Variants in TTC28 observed in about 807,000 individuals in gnomAD.
TTC28 encodes the protein tetratricopeptide repeat protein 28.
TTC28 carries 61 observed loss-of-function variants against 198.0 expected under a neutral mutation model. The ratio of observed to expected loss-of-function variants is 0.31; its 90% CI spans 0.25 to 0.38. The LOEUF is 0.38. Among genes scored for constraint, TTC28 ranks in the 10% least tolerant of loss-of-function variants. TTC28 has a pLI of 1.00. For synonymous variants in TTC28, 1,171 were observed against 1,297.8 expected (o/e 0.90, Z 2.10); for missense variants, 2,678 against 3,164.0 (o/e 0.85, Z 3.69).
At chr22:28,633,759 T>C (rs1291222966) in intron 1 of TTC28, among the ~76,000 whole-genome samples, 1 of 152,206 alleles carries the variant, frequency 6.6e-6, no homozygotes, top group African/African-American at 2.4e-5. Context: ...TCCCAAAATA[T>C]ATTCTAAGGA....
At chr22:28,610,783 G>A (rs1398982649) in intron 2 of TTC28, among the ~76,000 whole-genome samples, 2 of 152,038 alleles carry the variant, frequency 1.3e-5, no homozygotes, top group Non-Finnish European at 2.9e-5. Context: ...TCAAGCCAAA[G>A]GATCATTTTC....
chr22:28,425,204 G>A (rs1351041126), intron 2 of TTC28, among the ~76,000 whole-genome samples: 1 of 152,148 alleles, frequency 6.6e-6, no homozygotes, highest in African/African-American at 2.4e-5. Context: ...TGTTGCTGAC[G>A]TACTAAATAC....
At chr22:28,675,288 C>T (rs2051964108) in intron 1 of TTC28, among the ~76,000 whole-genome samples, 1 of 152,012 alleles carries the variant, frequency 6.6e-6, no homozygotes, top group Non-Finnish European at 1.5e-5. Flanking sequence ...GGGCTAAAAG[C>T]ATACAACTCT....
At chr22:28,462,071 A>G (rs977532839) in intron 2 of TTC28, among the ~76,000 whole-genome samples, 6 of 152,144 alleles carry the variant, frequency 3.9e-5, no homozygotes, top group Non-Finnish European at 8.8e-5. Flanking sequence ...CTCTCCTATT[A>G]TCTTTTTAAG....
intron 5 of TTC28, among the ~76,000 whole-genome samples, chr22:28,286,737 G>A (rs1028647174): frequency 6.6e-6 from 1 of 152,014 alleles, no homozygotes; most frequent in Non-Finnish European, 1.5e-5. Flanking sequence ...TGAATATCTA[G>A]ATCAAGGAAG....
chr22:28,671,597 T>C (rs2051886448), intron 1 of TTC28, among the ~76,000 whole-genome samples: 1 of 140,514 alleles, frequency 7.1e-6, no homozygotes, highest in South Asian at 2.4e-4. Flanking sequence ...ATCGCACCAC[T>C]GCACTCCAGC....
intron 1 of TTC28, among the ~76,000 whole-genome samples, chr22:28,644,285 G>A (rs1285420798): frequency 1.3e-5 from 2 of 151,680 alleles, no homozygotes; most frequent in Admixed American, 1.3e-4. Flanking sequence ...TGTAGTCCCA[G>A]CTACTGAGGA....
chr22:28,501,567 T>G (rs984728852), intron 2 of TTC28, among the ~76,000 whole-genome samples: 4 of 152,134 alleles, frequency 2.6e-5, no homozygotes, highest in Non-Finnish European at 4.4e-5. Context: ...TCCCAACACA[T>G]AGAACTGATA....
chr22:28,280,322 T>C (rs1337841827), intron 5 of TTC28, among the ~76,000 whole-genome samples: 1 of 149,084 alleles, frequency 6.7e-6, no homozygotes, highest in Non-Finnish European at 1.5e-5. Context: ...AAGAAAAAAG[T>C]AAAAAAAAAA....
intron 5 of TTC28, among the ~76,000 whole-genome samples, chr22:28,254,295 T>C (rs938311426): frequency 2.0e-5 from 3 of 152,062 alleles, no homozygotes; most frequent in Non-Finnish European, 4.4e-5. Context: ...TATGGGATCA[T>C]ACAAAGAGAG....
chr22:28,586,443 C>T (rs1411567210), intron 2 of TTC28, among the ~76,000 whole-genome samples: 2 of 151,516 alleles, frequency 1.3e-5, no homozygotes, highest in East Asian at 1.9e-4. Context: ...AGAGAACAAC[C>T]GATGGGGCAA....
chr22:28,030,491 A>G, intron 12 of TTC28, 125 bp from the exon 13 acceptor site: 2 of 1,193,420 alleles, frequency 1.7e-6, no homozygotes, highest in Non-Finnish European at 2.3e-6. Flanking sequence ...TCCAGATGAC[A>G]GCATCACCCC....
chr22:28,257,149 G>A (rs1184123059), intron 5 of TTC28, among the ~76,000 whole-genome samples: 1 of 152,180 alleles, frequency 6.6e-6, no homozygotes, highest in African/African-American at 2.4e-5. Context: ...TACACTGTTG[G>A]TGGGAATGTA....
chr22:28,565,080 T>C (rs2049949601), intron 2 of TTC28, among the ~76,000 whole-genome samples: 1 of 151,868 alleles, frequency 6.6e-6, no homozygotes, highest in South Asian at 2.1e-4. Flanking sequence ...ATCCCTACTA[T>C]ATTCGATGAG....
At chr22:28,356,239 A>G (rs2046075627) in intron 2 of TTC28, among the ~76,000 whole-genome samples, 1 of 152,040 alleles carries the variant, frequency 6.6e-6, no homozygotes, top group Non-Finnish European at 1.5e-5. Context: ...TCTTTTTAAC[A>G]AGGTTTGTGT....
At chr22:28,334,331 T>C (rs527536125) in intron 2 of TTC28, among the ~76,000 whole-genome samples, 1 of 152,300 alleles carries the variant, frequency 6.6e-6, no homozygotes, top group African/African-American at 2.4e-5. Context: ...TGTGTCTTTA[T>C]AGCAGCATGT....
chr22:28,387,356 C>T (rs2046626455), intron 2 of TTC28, among the ~76,000 whole-genome samples: 1 of 152,172 alleles, frequency 6.6e-6, no homozygotes, highest in Admixed American at 6.5e-5. Flanking sequence ...TGGGTATATA[C>T]CCAGTAATGG....
intron 2 of TTC28, among the ~76,000 whole-genome samples, chr22:28,605,568 T>C (rs1423294755): frequency 6.6e-6 from 1 of 152,156 alleles, no homozygotes; most frequent in Non-Finnish European, 1.5e-5. Context: ...AGGGGATGAT[T>C]TTCCCCAACA....
intron 5 of TTC28, among the ~76,000 whole-genome samples, chr22:28,234,365 ATCT>A (rs1186144955): frequency 1.3e-5 from 2 of 151,140 alleles, no homozygotes; most frequent in Non-Finnish European, 3.0e-5. Context: ...CATTAGCCTC[ATCT>A]TCTAATTTTT....
Sources: gnomAD v4.1 joint callset for allele counts (sites outside exome capture counted in the v4.1 genomes callset) on GRCh38, gnomAD v4.1.1 for gene constraint, MANE v1.5 for transcripts, NCBI Gene and HGNC (gene_info 2026-07-23, HGNC 2026-07-21) for gene names.